RAB28: variants seen among roughly 807,000 people sequenced by gnomAD.
RAB28 encodes the protein RAB28, member RAS oncogene family.
A neutral mutation model predicts 31.7 loss-of-function variants in RAB28; 24 were observed. The ratio of observed to expected loss-of-function variants is 0.76; its 90% CI spans 0.55 to 1.06. RAB28 has a LOEUF of 1.06. Ranked by LOEUF, RAB28 falls within the 50% of genes least tolerant of loss-of-function variation. RAB28 has a pLI of 0.00. For missense variants in RAB28, 254 were observed against 258.5 expected, an observed-to-expected ratio of 0.98 and a Z score of 0.12; for synonymous variants, 100 against 90.4, an observed-to-expected ratio of 1.11 and a Z score of -0.60.
intron 4 of RAB28, among the ~76,000 whole-genome samples, chr4:13,406,580 G>T (rs1395313130): frequency 2.0e-5 from 3 of 152,288 alleles, no homozygotes; most frequent in Non-Finnish European, 4.4e-5. Context: ...TCGCCACACT[G>T]TCTTCCACAA....
At chr4:13,401,924 T>C (rs1711787715) in intron 4 of RAB28, among the ~76,000 whole-genome samples, 1 of 152,376 alleles carries the variant, frequency 6.6e-6, no homozygotes, top group Admixed American at 6.5e-5. Context: ...CATATTTCTC[T>C]AAACACTGCA....
chr4:13,426,385 A>G (rs915835516), intron 4 of RAB28, among the ~76,000 whole-genome samples: 3 of 152,180 alleles, frequency 2.0e-5, no homozygotes, highest in African/African-American at 7.2e-5. Flanking sequence ...GGACAACTTG[A>G]AACAATGAGA....
At chr4:13,403,463 ACT>A (rs1283852682) in intron 4 of RAB28, among the ~76,000 whole-genome samples, 4 of 152,072 alleles carry the variant, frequency 2.6e-5, no homozygotes, top group Non-Finnish European at 1.5e-5. Context: ...CCTGCCTTGC[ACT>A]CTGTTCCACT....
At chr4:13,446,562 T>C (rs188220803) in intron 4 of RAB28, among the ~76,000 whole-genome samples, 2 of 152,036 alleles carry the variant, frequency 1.3e-5, no homozygotes, top group Non-Finnish European at 2.9e-5. Flanking sequence ...GCACCCGGGG[T>C]AGGTAGCACA....
chr4:13,401,527 AT>A (rs202116744), intron 4 of RAB28, among the ~76,000 whole-genome samples: 5 of 152,228 alleles, frequency 3.3e-5, no homozygotes, highest in African/African-American at 1.2e-4. Context: ...AAGTAAAATA[AT>A]TTTAAAAAAA....
rs558961952 is a variant in RAB28, at chr4:13,439,875, C to T, written c.391+20824G>A. 2.0e-4 allele frequency among the ~76,000 whole-genome samples: 30 copies of T among 152,280 alleles called. No individual in the cohort carries two copies. The East Asian group carries it at 5.6e-3, about 28-fold the overall frequency. On this transcript the variant is annotated intron_variant, in intron 4 of 6. Coordinates refer to ENST00000330852, the MANE Select transcript of RAB28 (RefSeq NM_001017979.3). ...TAATGCCCTCAAACACAACTATATA[C>T]GTACAATTCCCAAAGCACTAGCTGT... is the stretch of plus-strand genomic sequence containing the variant.
intron 3 of RAB28, among the ~76,000 whole-genome samples, chr4:13,469,605 C>T (rs1716024709): frequency 1.3e-5 from 2 of 151,896 alleles, no homozygotes; most frequent in African/African-American, 4.8e-5. Flanking sequence ...TTATATAGTA[C>T]TTCGTTTTCA....
At chr4:13,421,611 CATCTG>C (rs1231144386) in intron 4 of RAB28, among the ~76,000 whole-genome samples, 1 of 152,150 alleles carries the variant, frequency 6.6e-6, no homozygotes, top group Non-Finnish European at 1.5e-5. Flanking sequence ...CATCTACAAC[CATCTG>C]ATCTTCGACA....
At chr4:13,468,665 A>C (rs950666675) in intron 3 of RAB28, among the ~76,000 whole-genome samples, 15 of 151,926 alleles carry the variant, frequency 9.9e-5, no homozygotes, top group Non-Finnish European at 1.5e-4. Context: ...AACTAGAGGA[A>C]GAAGAGTAAT....
intron 4 of RAB28, among the ~76,000 whole-genome samples, chr4:13,440,449 ATAATT>A (rs1714356906): frequency 6.6e-6 from 1 of 152,168 alleles, no homozygotes; most frequent in Non-Finnish European, 1.5e-5. Context: ...AGTTATTTAA[ATAATT>A]TAAGTAATCA....
intron 3 of RAB28, among the ~76,000 whole-genome samples, chr4:13,467,864 T>A (rs1308387956): frequency 1.3e-5 from 2 of 151,936 alleles, no homozygotes; most frequent in Non-Finnish European, 1.5e-5. Context: ...AAGACTTGAC[T>A]GTATATTGCC....
Position 13,381,475 on chromosome 4 carries a change from T to G in RAB28, c.495+16A>C. The G allele has an allele frequency of 6.5e-7, 1 of 1,532,290 alleles. No individual in the cohort carries two copies. Among genetic ancestry groups the G allele is most frequent in the Non-Finnish European group, 9.0e-7 (1 of 1,107,310 alleles). 94.9% of individuals were successfully genotyped at this position (1,532,290 alleles called of 1,614,324 possible). A position where few individuals can be genotyped will look rare whatever the true frequency, so the allele number is the denominator to read the frequency against. Reference sequence around the variant, plus strand: ...AAAAGGAAAACATCACATACAGTATTCATTATTTTACTTACAGAGTCTCCT... The same window carrying G: ...AAAAGGAAAACATCACATACAGTATGCATTATTTTACTTACAGAGTCTCCT... On this transcript the variant is annotated intron_variant, in intron 5 of 6. Coordinates refer to ENST00000330852, the MANE Select transcript of RAB28 (RefSeq NM_001017979.3).
intron 4 of RAB28, among the ~76,000 whole-genome samples, chr4:13,438,311 T>TA (rs1325583448): frequency 6.6e-6 from 1 of 152,200 alleles, no homozygotes; most frequent in Non-Finnish European, 1.5e-5. Context: ...TTGAACATTT[T>TA]AAAGCGTACA....
intron 4 of RAB28, among the ~76,000 whole-genome samples, chr4:13,394,441 G>A (rs1408743930): frequency 1.3e-5 from 2 of 152,118 alleles, no homozygotes; most frequent in African/African-American, 4.8e-5. Flanking sequence ...GACAGGAGGT[G>A]GAGCTCAGGC....
At chr4:13,393,433 C>T (rs1408654672) in intron 4 of RAB28, among the ~76,000 whole-genome samples, 2 of 152,150 alleles carry the variant, frequency 1.3e-5, no homozygotes, top group African/African-American at 4.8e-5. Flanking sequence ...AGGTGATCAT[C>T]TACAAGTTAC....
intron 6 of RAB28, chr4:13,371,412 C>T: frequency 2.0e-6 from 2 of 985,250 alleles, no homozygotes; most frequent in Non-Finnish European, 2.4e-6. Context: ...CAGTAAGCAA[C>T]TCATTAATCC....
Position 13,390,535 on chromosome 4 carries a change from T to C in RAB28, c.392-8941A>G, listed in dbSNP as rs751537817. Among the ~76,000 whole-genome samples, 80 of 151,874 alleles carry C rather than the reference T, an allele frequency of 5.3e-4. 1 individual carries two copies. Among genetic ancestry groups the C allele is most frequent in the Non-Finnish European group, 9.1e-4 (62 of 67,906 alleles). ...CAATGCCATCCCCATCAAGCTACCA[T>C]TGACTTTCTTCACAGAATTGGAAAA... On this transcript the variant is annotated intron_variant, in intron 4 of 6. Coordinates refer to ENST00000330852, the MANE Select transcript of RAB28 (RefSeq NM_001017979.3).
At chr4:13,395,293 T>C (rs1729825142) in intron 4 of RAB28, among the ~76,000 whole-genome samples, 1 of 152,132 alleles carries the variant, frequency 6.6e-6, no homozygotes, top group South Asian at 2.1e-4. Context: ...TTACAGAACA[T>C]GATATGCTTT....
At chr4:13,405,158 ACATAG>A (rs745929639) in intron 4 of RAB28, among the ~76,000 whole-genome samples, 3 of 152,156 alleles carry the variant, frequency 2.0e-5, no homozygotes, top group Non-Finnish European at 4.4e-5. Context: ...GAGGAGAAAA[ACATAG>A]CCAAAATCCC....
Sources: allele counts gnomAD v4.1 joint callset (sites outside exome capture counted in the v4.1 genomes callset), GRCh38; gene constraint gnomAD v4.1.1; transcripts MANE v1.5; gene names NCBI Gene and HGNC (gene_info 2026-07-23, HGNC 2026-07-21).